Variants in LOXHD1 observed in about 807,000 individuals in gnomAD.
LOXHD1 encodes the protein lipoxygenase homology PLAT domains 1, also known as lipoxygenase homology domain-containing protein 1.
In LOXHD1, 205 loss-of-function variants were observed where a neutral mutation model predicts 248.2. The ratio of observed to expected loss-of-function variants is 0.83; its 90% CI spans 0.74 to 0.93. LOXHD1 has a LOEUF of 0.93. Ranked by LOEUF, LOXHD1 falls within the 40% of genes least tolerant of loss-of-function variation. LOXHD1 has a pLI of 0.00. For synonymous variants in LOXHD1, 1,113 were observed against 1,162.8 expected (o/e 0.96, Z 0.87); for missense variants, 2,930 against 2,971.6 (o/e 0.99, Z 0.33).
At chr18:46,504,239 G>T (rs2034421018) in intron 37 of LOXHD1, among the ~76,000 whole-genome samples, 2 of 152,016 alleles carry the variant, frequency 1.3e-5, no homozygotes, top group Admixed American at 6.6e-5. Flanking sequence ...CTCAGTAGCT[G>T]GGACTACAGG....
intron 14 of LOXHD1, among the ~76,000 whole-genome samples, chr18:46,572,786 A>G (rs1338974009): frequency 6.6e-6 from 1 of 152,104 alleles, no homozygotes; most frequent in Non-Finnish European, 1.5e-5. Flanking sequence ...AAGACAGGAT[A>G]GGCCAGGCGG....
intron 40 of LOXHD1, among the ~76,000 whole-genome samples, 176 bp downstream of exon 40, chr18:46,483,411 G>C (rs2032748420): frequency 6.6e-6 from 1 of 152,162 alleles, no homozygotes; most frequent in Non-Finnish European, 1.5e-5. Context: ...AATCCAGATA[G>C]CTTCAGAAGC....
At chr18:46,499,180 T>C (rs1238118308) in intron 37 of LOXHD1, among the ~76,000 whole-genome samples, 1 of 152,216 alleles carries the variant, frequency 6.6e-6, no homozygotes, top group East Asian at 1.9e-4. Flanking sequence ...TTCAGTGTTG[T>C]GAGTGCTAGA....
At chr18:46,524,199 T>C (rs2035714867) in intron 31 of LOXHD1, among the ~76,000 whole-genome samples, 1 of 152,228 alleles carries the variant, frequency 6.6e-6, no homozygotes, top group Admixed American at 6.5e-5. Context: ...TGTGTGATGC[T>C]CTAGTGACAG....
intron 25 of LOXHD1, among the ~76,000 whole-genome samples, chr18:46,538,716 T>C (rs970012955): frequency 1.3e-5 from 2 of 152,208 alleles, no homozygotes; most frequent in African/African-American, 4.8e-5. Flanking sequence ...CAGTGTCCAT[T>C]GTCTGTAAAG....
At chr18:46,636,850 T>C (rs753616214) in intron 4 of LOXHD1, among the ~76,000 whole-genome samples, 5 of 152,190 alleles carry the variant, frequency 3.3e-5, no homozygotes, top group African/African-American at 1.2e-4. Context: ...AATGCAGTCA[T>C]TGGAATATTT....
intron 36 of LOXHD1, among the ~76,000 whole-genome samples, chr18:46,506,399 C>G (rs967332253): frequency 6.6e-6 from 1 of 152,188 alleles, no homozygotes; most frequent in African/African-American, 2.4e-5. Flanking sequence ...CAGAAGGAAG[C>G]AGGGAAGTTC....
At chr18:46,482,008 C>T (rs1272139357) in intron 40 of LOXHD1, among the ~76,000 whole-genome samples, 1 of 152,188 alleles carries the variant, frequency 6.6e-6, no homozygotes, top group African/African-American at 2.4e-5. Flanking sequence ...GGAGGTAGTA[C>T]TGAGCCATGG....
intron 1 of LOXHD1, among the ~76,000 whole-genome samples, chr18:46,655,670 C>G (rs2039171755): frequency 6.6e-6 from 1 of 152,192 alleles, no homozygotes; most frequent in Non-Finnish European, 1.5e-5. Context: ...GATTCTGTAC[C>G]TGGAAAGGGG....
At chr18:46,625,909 T>G (rs1343730987) in intron 4 of LOXHD1, among the ~76,000 whole-genome samples, 1 of 152,134 alleles carries the variant, frequency 6.6e-6, no homozygotes, top group Non-Finnish European at 1.5e-5. Context: ...ATTACTTCCC[T>G]TTCCAACCCA....
intron 22 of LOXHD1, among the ~76,000 whole-genome samples, chr18:46,546,589 T>C (rs564462409): frequency 1.4e-4 from 21 of 151,264 alleles, no homozygotes; most frequent in Middle Eastern, 6.8e-3. Context: ...ATTCCAATCA[T>C]CCCAATTCAG....
chr18:46,502,043 G>A (rs958529054), intron 37 of LOXHD1, among the ~76,000 whole-genome samples: 2 of 152,168 alleles, frequency 1.3e-5, no homozygotes, highest in Admixed American at 1.3e-4. Context: ...TTTTAAGCAA[G>A]GGATTCTAGA....
intron 31 of LOXHD1, among the ~76,000 whole-genome samples, chr18:46,524,069 G>A (rs956896542): frequency 3.3e-5 from 5 of 152,142 alleles, no homozygotes; most frequent in African/African-American, 1.2e-4. Context: ...GCTTGTCCAA[G>A]GCCACACATT....
intron 9 of LOXHD1, 108 bp from the exon 10 acceptor site, chr18:46,593,868 T>C: frequency 1.7e-6 from 2 of 1,165,872 alleles, no homozygotes; most frequent in Non-Finnish European, 2.4e-6. Flanking sequence ...AAGGGCGGGG[T>C]ATACACAGGT....
chr18:46,614,333 T>C (rs1335739883), intron 5 of LOXHD1, among the ~76,000 whole-genome samples: 1 of 149,962 alleles, frequency 6.7e-6, no homozygotes, highest in Non-Finnish European at 1.5e-5. Context: ...TGTTCATCAA[T>C]GATAGACTGG....
chr18:46,495,523 A>C (rs4890329), intron 37 of LOXHD1, among the ~76,000 whole-genome samples: 69,839 of 151,946 alleles, frequency 0.46, 17,974 homozygotes, highest in East Asian at 0.68. Flanking sequence ...TGGAGTAATC[A>C]GGCTGGCAGT....
At chr18:46,640,956 G>A (rs943504484) in intron 3 of LOXHD1, among the ~76,000 whole-genome samples, 4 of 152,118 alleles carry the variant, frequency 2.6e-5, no homozygotes, top group Non-Finnish European at 5.9e-5. Flanking sequence ...AACCCCAACA[G>A]ACAGATGAAA....
intron 4 of LOXHD1, among the ~76,000 whole-genome samples, chr18:46,622,813 C>T (rs1599056720): frequency 6.6e-6 from 1 of 152,206 alleles, no homozygotes; most frequent in South Asian, 2.1e-4. Flanking sequence ...GCGGCGTGGT[C>T]TGGGGTTTCC....
rs764692714 is a variant in LOXHD1 at position 46,524,859 on chromosome 18, C to T, written c.4589G>A (p.Arg1530His). The T allele has an allele frequency of 1.4e-5, 21 of 1,551,640 alleles. No homozygotes were observed. The highest frequency in any genetic ancestry group is 8.3e-5 in the South Asian group (7 of 84,066). The change falls in exon 30 of 41, where the codon CGC (arginine) becomes CAC (histidine). Residue 1530 changes from arginine (R) to histidine (H), a missense_variant. Transcript: ENST00000642948. ...TGCGCACCACTTGGAGTTGTCATGGCGGAGCTTGATCTTGTAGATGACGCC... is the reference window on the plus strand; with the variant it reads ...TGCGCACCACTTGGAGTTGTCATGGTGGAGCTTGATCTTGTAGATGACGCC... The part of the protein sequence containing the change: ...DLGVIYKIKL[R>H]HDNSKWCADW...
Sources: gnomAD v4.1 joint callset for allele counts (sites outside exome capture counted in the v4.1 genomes callset) on GRCh38, gnomAD v4.1.1 for gene constraint, MANE v1.5 for transcripts, NCBI Gene and HGNC (gene_info 2026-07-23, HGNC 2026-07-21) for gene names.